Variants in DIAPH1 observed in about 807,000 individuals in gnomAD.
DIAPH1 encodes protein diaphanous homolog 1.
DIAPH1 carries 46 observed loss-of-function variants against 140.7 expected under a neutral mutation model. The ratio of observed to expected loss-of-function variants is 0.33; its 90% CI spans 0.26 to 0.42. DIAPH1 has a LOEUF of 0.42. Ranked by LOEUF, DIAPH1 falls within the 10% of genes least tolerant of loss-of-function variation. The pLI is 1.00. For synonymous variants in DIAPH1, 565 were observed against 551.6 expected (o/e 1.02, Z -0.34); for missense variants, 1,310 against 1,558.7 (o/e 0.84, Z 2.69).
At chr5:141,589,905 G>A (rs933733116) in intron 1 of DIAPH1, among the ~76,000 whole-genome samples, 27 of 151,952 alleles carry the variant, frequency 1.8e-4, no homozygotes, top group African/African-American at 4.4e-4. Flanking sequence ...GTCCTTAGAC[G>A]AGTATAGTAA....
intron 1 of DIAPH1, among the ~76,000 whole-genome samples, chr5:141,591,422 T>C (rs2099898384): frequency 6.6e-6 from 1 of 151,704 alleles, no homozygotes; most frequent in African/African-American, 2.4e-5. Flanking sequence ...GAACAAATAC[T>C]ATAATCTAGG....
chr5:141,536,957 T>C (rs549182636), intron 18 of DIAPH1, among the ~76,000 whole-genome samples: 1 of 151,136 alleles, frequency 6.6e-6, no homozygotes, highest in Non-Finnish European at 1.5e-5. Flanking sequence ...GTCACTTGAG[T>C]CCAGGTGTTT....
chr5:141,551,957 A>T (rs1331448061), intron 18 of DIAPH1, among the ~76,000 whole-genome samples: 5 of 152,238 alleles, frequency 3.3e-5, no homozygotes, highest in Non-Finnish European at 5.9e-5. Context: ...CACCTACCAG[A>T]ATGCAATTAG....
chr5:141,587,304 G>T, intron 2 of DIAPH1, 107 bp from the exon 3 acceptor site: 1 of 1,170,812 alleles, frequency 8.5e-7, no homozygotes, highest in East Asian at 2.5e-5. Context: ...TGGTTCCTCT[G>T]GTTCACAAGC....
rs70991705 is a variant in DIAPH1 at position 141,582,059 on chromosome 5, CAAAAAAAAAAAAAA to C, written c.684+239_684+252del. ...TGGGCAACAGAGCGAGACTCCATCT[CAAAAAAAAAAAAAA>C]AAAAAAAAAAAAAAGAGAGAGAAAC... On this transcript the variant is annotated intron_variant, in intron 7 of 27. Coordinates refer to ENST00000389054, the MANE Select transcript of DIAPH1 (RefSeq NM_005219.5). 205 of 79,770 alleles carry C rather than the reference CAAAAAAAAAAAAAA, an allele frequency of 2.6e-3. 1 individual carries two copies. The highest frequency in any genetic ancestry group is 4.6e-3 in the Middle Eastern group (1 of 216). 4.9% of individuals were successfully genotyped at this position (79,770 alleles called of 1,614,324 possible). A position where few individuals can be genotyped will look rare whatever the true frequency, so the allele number is the denominator to read the frequency against.
chr5:141,542,162 A>C (rs1002102541), intron 18 of DIAPH1, among the ~76,000 whole-genome samples: 2 of 152,230 alleles, frequency 1.3e-5, no homozygotes, highest in Non-Finnish European at 2.9e-5. Context: ...CACCAGGCGC[A>C]GTGGCTCATG....
In DIAPH1 at chr5:141,573,959, G is replaced by C. The variant is rs769926497; in HGVS notation, c.1891C>G (p.Pro631Ala). Reference sequence around the variant, plus strand: ...ATAGCAGTACCTCCAGGTAAAGAAGGGGGTGAGGAGATGCAAACACCCCCA... The same window carrying C: ...ATAGCAGTACCTCCAGGTAAAGAAGCGGGTGAGGAGATGCAAACACCCCCA... ...LPGGVCISSP[P>A]SLPGGTAISP... The change falls in exon 16 of 28, where the codon CCT (proline) becomes GCT (alanine). Residue 631 changes from proline (P) to alanine (A), a missense_variant. Pro to Ala is a conservative substitution (Grantham distance 27). Around this residue, in one of 3 missense-constraint regions of DIAPH1, gnomAD observed 589 missense variants for 549.3 expected, o/e 1.07. Coordinates refer to ENST00000389054, the MANE Select transcript of DIAPH1 (RefSeq NM_005219.5). 12 of 1,551,696 alleles carry C rather than the reference G, an allele frequency of 7.7e-6. No individual in the cohort carries two copies. The highest frequency in any genetic ancestry group is 4.8e-5 in the South Asian group (4 of 84,046).
intron 1 of DIAPH1, among the ~76,000 whole-genome samples, chr5:141,594,553 C>CCAA (rs2099899008): frequency 6.6e-6 from 1 of 152,112 alleles, no homozygotes; most frequent in Admixed American, 6.5e-5. Context: ...GCCAGACTGG[C>CCAA]CAACATGGTG....
At chr5:141,615,437 GAAAAAAA>G (rs1013629826) in intron 1 of DIAPH1, among the ~76,000 whole-genome samples, 3 of 46,326 alleles carry the variant, frequency 6.5e-5, no homozygotes, top group African/African-American at 2.5e-4. Context: ...CTCAGAAAAA[GAAAAAAA>G]AAAAAAAAAA....
chr5:141,581,539 G>A (rs1212477418), intron 7 of DIAPH1, among the ~76,000 whole-genome samples: 1 of 152,050 alleles, frequency 6.6e-6, no homozygotes. Context: ...TTCTCTCCCC[G>A]CAATCCAATG....
Position 141,574,200 on chromosome 5 carries a change from C to G in DIAPH1, c.1650G>C (p.Lys550Asn). ...TGGCATCTTCCAGTTCCTTTGTCAG[C>G]TTGGCAACCTACAGAAATAACATCA... ...EVSQLTGEVA[K>N]LTKELEDAKK... The change falls in exon 16 of 28, where the codon AAG becomes AAC. Residue 550 changes from lysine (K) to asparagine (N), a missense_variant. Around this residue, in one of 3 missense-constraint regions of DIAPH1, gnomAD observed 589 missense variants for 549.3 expected, o/e 1.07. Transcript: ENST00000389054. 2 of 1,614,120 alleles carry G rather than the reference C, an allele frequency of 1.2e-6. No individual in the cohort carries two copies. Among genetic ancestry groups the G allele is most frequent in the Non-Finnish European group, 1.7e-6 (2 of 1,180,030 alleles).
At chr5:141,578,975 T>C in intron 9 of DIAPH1, 113 bp downstream of exon 9, 1 of 850,198 alleles carries the variant, frequency 1.2e-6, no homozygotes, top group Non-Finnish European at 2.1e-6. Context: ...GATTCTGAAA[T>C]GTAAAATATA....
chr5:141,577,088 C>T (rs538529257), intron 12 of DIAPH1, among the ~76,000 whole-genome samples: 11 of 152,178 alleles, frequency 7.2e-5, no homozygotes, highest in Non-Finnish European at 1.6e-4. Context: ...TCTTGCCATC[C>T]GCTCCTAGTG....
At chr5:141,577,975 G>A (rs968051099) in intron 11 of DIAPH1, 5 of 576,838 alleles carry the variant, frequency 8.7e-6, no homozygotes, top group Non-Finnish European at 1.6e-5. Flanking sequence ...TCACATTCTA[G>A]GAAGTTTACA....
chr5:141,526,117 T>G lies in DIAPH1; in HGVS notation c.3495A>C (p.Ala1165=). The change falls in exon 26 of 28, where the codon GCA becomes GCC. Residue 1165 remains alanine (A), a synonymous_variant. Transcript: ENST00000389054. ...RRETEEKMRR[A]KLAKEKAEKE... ...TCTCTGCCTTCTCCTTGGCTAGTTT[T>G]GCTCGCCTCATCTTTTCTTCTGTCT... 1 of 1,614,148 alleles carries G rather than the reference T, an allele frequency of 6.2e-7. No homozygotes were observed. The highest frequency in any genetic ancestry group is 2.2e-5 in the East Asian group (1 of 44,874).
At chr5:141,609,066 C>A (rs557513054) in intron 1 of DIAPH1, among the ~76,000 whole-genome samples, 1 of 148,642 alleles carries the variant, frequency 6.7e-6, no homozygotes, top group African/African-American at 2.5e-5. Context: ...ATGAGCCAAG[C>A]GAAAGATAGG....
chr5:141,574,860 C>T, intron 15 of DIAPH1, 107 bp downstream of exon 15: 1 of 1,210,542 alleles, frequency 8.3e-7, no homozygotes, highest in Non-Finnish European at 1.2e-6. Flanking sequence ...AACTAGATTA[C>T]CTATTAGTAG....
At chr5:141,532,721 CAT>C (rs766252434) in intron 19 of DIAPH1, among the ~76,000 whole-genome samples, 29 of 152,328 alleles carry the variant, frequency 1.9e-4, no homozygotes, top group Non-Finnish European at 3.7e-4. Flanking sequence ...ATCATTAGCA[CAT>C]GAGAGACATT....
intron 1 of DIAPH1, among the ~76,000 whole-genome samples, chr5:141,594,736 C>T (rs1333348377): frequency 1.4e-5 from 2 of 147,800 alleles, no homozygotes; most frequent in East Asian, 4.0e-4. Flanking sequence ...GAGCAAGACC[C>T]AGTCTCAAAA....
Sources: allele counts gnomAD v4.1 joint callset (sites outside exome capture counted in the v4.1 genomes callset), GRCh38; gene constraint gnomAD v4.1.1; regional missense constraint gnomAD v4.1.1; transcripts MANE v1.5; gene names NCBI Gene and HGNC (gene_info 2026-07-23, HGNC 2026-07-21).